The following GUCY1A2 variants were observed in gnomAD, a reference collection of about 807,000 sequenced individuals.
GUCY1A2 encodes the protein guanylate cyclase 1 soluble subunit alpha 2.
A neutral mutation model predicts 63.5 loss-of-function variants in GUCY1A2; 27 were observed. The ratio of observed to expected loss-of-function variants is 0.43; its 90% CI spans 0.31 to 0.59. The LOEUF is 0.59. Ranked by LOEUF, GUCY1A2 falls within the 20% of genes least tolerant of loss-of-function variation. The pLI, the probability that GUCY1A2 is intolerant of heterozygous loss-of-function variation, is 0.11. For missense variants in GUCY1A2, 768 were observed against 913.3 expected, an observed-to-expected ratio of 0.84 and a Z score of 2.05; for synonymous variants, 364 against 343.5, an observed-to-expected ratio of 1.06 and a Z score of -0.66.
chr11:106,781,112 CAAAAAAA>C (rs565279937), intron 5 of GUCY1A2, among the ~76,000 whole-genome samples: 24 of 88,998 alleles, frequency 2.7e-4, no homozygotes, highest in East Asian at 9.4e-4. Flanking sequence ...AAACAGACTA[CAAAAAAA>C]AAAAAAAAAA....
Position 107,017,830 on chromosome 11 carries a change from C to G in GUCY1A2, c.226G>C (p.Ala76Pro), listed in dbSNP as rs1262456343. Residue 76 changes from alanine to proline, a missense_variant, in exon 1 of 8, where the codon GCC becomes CCC. Transcript: ENST00000526355. Reference protein sequence around the residue: ...SAAAAAATAGARRVQRRRRVN... With the variant: ...SAAAAAATAGPRRVQRRRRVN... ...CGCCTCCGGCGCTGCACCCTCCTGGCCCCGGCAGTGGCAGCGGCGGCGGCG... is the reference window on the plus strand; with the variant it reads ...CGCCTCCGGCGCTGCACCCTCCTGGGCCCGGCAGTGGCAGCGGCGGCGGCG... 2 of 1,298,702 alleles carry G rather than the reference C, an allele frequency of 1.5e-6. No homozygotes were observed. Among genetic ancestry groups the G allele is most frequent in the South Asian group, 3.0e-5 (1 of 33,124 alleles). 80.4% of individuals were successfully genotyped at this position (1,298,702 alleles called of 1,614,324 possible).
At chr11:106,935,876 A>T (rs948107152) in intron 4 of GUCY1A2, among the ~76,000 whole-genome samples, 6 of 147,460 alleles carry the variant, frequency 4.1e-5, no homozygotes, top group African/African-American at 1.5e-4. Flanking sequence ...AAAAAAATTA[A>T]AAAAAAAATC....
chr11:106,798,423 C>A (rs1333754841), intron 5 of GUCY1A2, among the ~76,000 whole-genome samples: 5 of 152,172 alleles, frequency 3.3e-5, no homozygotes, highest in African/African-American at 4.8e-5. Context: ...ATGAGGCCAG[C>A]ATCATCCTGA....
chr11:106,741,901 C>A (rs1016226132), intron 6 of GUCY1A2, among the ~76,000 whole-genome samples: 4 of 152,168 alleles, frequency 2.6e-5, no homozygotes, highest in Admixed American at 6.5e-5. Context: ...ATTTGACTTG[C>A]ATTCACTTCC....
intron 4 of GUCY1A2, among the ~76,000 whole-genome samples, chr11:106,818,535 T>C (rs957354542): frequency 1.3e-5 from 2 of 152,146 alleles, no homozygotes; most frequent in Non-Finnish European, 2.9e-5. Context: ...ATATTGAAAT[T>C]AGACCAATGA....
At chr11:106,813,530 G>A (rs924444559) in intron 4 of GUCY1A2, among the ~76,000 whole-genome samples, 7 of 151,984 alleles carry the variant, frequency 4.6e-5, no homozygotes, top group African/African-American at 1.7e-4. Context: ...TCATATAACT[G>A]CACATTACAT....
At chr11:106,754,193 G>A (rs1003461033) in intron 6 of GUCY1A2, among the ~76,000 whole-genome samples, 1 of 152,232 alleles carries the variant, frequency 6.6e-6, no homozygotes, top group African/African-American at 2.4e-5. Flanking sequence ...TGTGATTTTT[G>A]CACATTGATT....
intron 3 of GUCY1A2, among the ~76,000 whole-genome samples, chr11:106,964,006 TTCTC>T (rs1250132823): frequency 6.6e-6 from 1 of 152,004 alleles, no homozygotes; most frequent in Non-Finnish European, 1.5e-5. Context: ...TGCTTTCTTA[TTCTC>T]TCTCATTCCC....
intron 4 of GUCY1A2, among the ~76,000 whole-genome samples, chr11:106,830,865 CACA>C (rs1859041328): frequency 6.6e-6 from 1 of 152,108 alleles, no homozygotes; most frequent in Non-Finnish European, 1.5e-5. Flanking sequence ...TATACATGTA[CACA>C]ACAACTACTA....
At chr11:106,789,165 G>A (rs898418152) in intron 5 of GUCY1A2, among the ~76,000 whole-genome samples, 1 of 152,012 alleles carries the variant, frequency 6.6e-6, no homozygotes, top group Non-Finnish European at 1.5e-5. Context: ...ATTTGGTCAA[G>A]TTCATTGCTA....
rs140770258 is a variant in GUCY1A2 at position 106,701,722 on chromosome 11, G to A, written c.1991+6790C>T. On this transcript the variant is annotated intron_variant, in intron 7 of 7. Transcript: ENST00000526355. Reference sequence around the variant, plus strand: ...TCTGGTGTTCTGTAGCACTTGGGGTGAATAGGGTTAATGATAATTTATTGT... The same window carrying A: ...TCTGGTGTTCTGTAGCACTTGGGGTAAATAGGGTTAATGATAATTTATTGT... Among the ~76,000 whole-genome samples, 11 of 152,218 alleles carry A rather than the reference G, an allele frequency of 7.2e-5. No individual in the cohort carries two copies. The East Asian group carries it at 2.1e-3, about 29-fold the overall frequency.
intron 4 of GUCY1A2, among the ~76,000 whole-genome samples, chr11:106,888,384 GAAC>G (rs1300266322): frequency 1.3e-5 from 2 of 151,882 alleles, no homozygotes; most frequent in Non-Finnish European, 2.9e-5. Flanking sequence ...AGAATGGCGT[GAAC>G]CCAGGAGGCG....
intron 5 of GUCY1A2, among the ~76,000 whole-genome samples, chr11:106,804,598 G>A (rs989891178): frequency 1.3e-5 from 2 of 151,752 alleles, no homozygotes; most frequent in African/African-American, 4.9e-5. Flanking sequence ...GCTGGCTGAA[G>A]GTCCAGCGAA....
intron 5 of GUCY1A2, among the ~76,000 whole-genome samples, chr11:106,800,584 T>C (rs1424796021): frequency 6.6e-6 from 1 of 152,156 alleles, no homozygotes; most frequent in Non-Finnish European, 1.5e-5. Flanking sequence ...TCATGTCCTT[T>C]GTAGGGACAT....
intron 4 of GUCY1A2, among the ~76,000 whole-genome samples, chr11:106,864,362 A>G (rs1481016248): frequency 6.6e-6 from 1 of 152,072 alleles, no homozygotes; most frequent in Non-Finnish European, 1.5e-5. Context: ...TGTCATCTGC[A>G]AACAGAGACA....
At chr11:106,960,231 A>AT (rs909149245) in intron 3 of GUCY1A2, among the ~76,000 whole-genome samples, 2 of 26,508 alleles carry the variant, frequency 7.5e-5, no homozygotes, top group Admixed American at 4.3e-4. Context: ...CTTGTTTTGA[A>AT]TTTTTTTTTT....
intron 6 of GUCY1A2, among the ~76,000 whole-genome samples, chr11:106,760,941 T>C (rs1864056140): frequency 6.6e-6 from 1 of 152,200 alleles, no homozygotes; most frequent in Admixed American, 6.5e-5. Flanking sequence ...AGTAATACTC[T>C]GATAATAAAG....
At chr11:107,011,583 A>G (rs912330627) in intron 1 of GUCY1A2, among the ~76,000 whole-genome samples, 26 of 143,682 alleles carry the variant, frequency 1.8e-4, no homozygotes, top group African/African-American at 5.3e-4. Flanking sequence ...ATATATTTAT[A>G]ATATATAAAT....
intron 3 of GUCY1A2, among the ~76,000 whole-genome samples, chr11:106,961,402 T>C (rs1861055936): frequency 6.6e-6 from 1 of 152,170 alleles, no homozygotes; most frequent in South Asian, 2.1e-4. Flanking sequence ...CAAAGATGTC[T>C]GAATGTGGAT....
Sources: allele counts gnomAD v4.1 joint callset (sites outside exome capture counted in the v4.1 genomes callset), GRCh38; gene constraint gnomAD v4.1.1; transcripts MANE v1.5; gene names NCBI Gene and HGNC (gene_info 2026-07-23, HGNC 2026-07-21).